Variants in APBA3 observed in about 807,000 individuals in gnomAD.
The protein encoded by APBA3 is amyloid beta precursor protein binding family A member 3, also known as amyloid-beta A4 precursor protein-binding family A member 3.
Under a neutral mutation model 55.9 loss-of-function variants are expected in APBA3, and 45 were observed. That is an observed-to-expected ratio of 0.80 (90% confidence interval 0.63 to 1.03). The LOEUF is 1.03. APBA3 is among the 50% of genes least tolerant of loss of function. The pLI is 0.00. For missense variants in APBA3, 865 were observed against 820.3 expected (o/e 1.05, Z -0.67); for synonymous variants, 370 against 353.3 (o/e 1.05, Z -0.53).
At position 3,759,170 on chromosome 19, in the gene APBA3, A is replaced by G. The variant is rs1272502777; in HGVS notation, c.616+391T>C. On this transcript the variant is annotated intron_variant, in intron 3 of 10. Coordinates refer to ENST00000316757, the MANE Select transcript of APBA3 (RefSeq NM_004886.4). Reference sequence around the variant, plus strand: ...CTTGAACCTGGGAGATGGAGGTTGCAGTGAGCTGAGATCAAGCCACTGCAC... The same window carrying G: ...CTTGAACCTGGGAGATGGAGGTTGCGGTGAGCTGAGATCAAGCCACTGCAC... Among the ~76,000 whole-genome samples, 4 of 152,184 alleles carry G rather than the reference A, an allele frequency of 2.6e-5. No homozygotes were observed. In the East Asian group the frequency reaches 5.8e-4, roughly 22 times the overall value.
In APBA3 at chr19:3,751,551, C is replaced by T. The variant is rs749144277; in HGVS notation, c.1398G>A (p.Glu466=). The T allele has an allele frequency of 5.0e-6, 8 of 1,588,584 alleles. No individual in the cohort carries two copies. Among genetic ancestry groups the T allele is most frequent in the Non-Finnish European group, 6.8e-6 (8 of 1,171,340 alleles). The change falls in exon 9 of 11, where the codon GAG becomes GAA. Residue 466 remains glutamate, a splice_region_variant and synonymous_variant. Transcript: ENST00000316757. ...PLAACQAAVR[E]TKSQTSVTLS... ...GTGTCACCGACGTCTGCGACTTCGT[C>T]TCCTGTGGGGCGGGGGCCGTTGGCC...
chr19:3,754,048 T>C lies in APBA3; in HGVS notation c.820A>G (p.Arg274Gly). Residue 274 changes from arginine (R) to glycine (G), a missense_variant, in exon 5 of 11, where the codon AGG (arginine) becomes GGG (glycine). Coordinates refer to ENST00000316757, the MANE Select transcript of APBA3 (RefSeq NM_004886.4). ...TEVDLFVSTK[R>G]IKVLTADSQE... ...GAGTCCGCTGTCAAGACCTTGATCC[T>C]CTTGGTGGAGACGAACAGGTCCACC... 4 of 1,611,292 alleles carry C rather than the reference T, an allele frequency of 2.5e-6. No individual in the cohort carries two copies. The highest frequency in any genetic ancestry group is 1.1e-5 in the South Asian group (1 of 90,626).
At chr19:3,757,605 G>A (rs1360423580) in intron 3 of APBA3, among the ~76,000 whole-genome samples, 1 of 152,154 alleles carries the variant, frequency 6.6e-6, no homozygotes, top group Admixed American at 6.5e-5. Context: ...GGTGGCGGAC[G>A]CTTGTAATCT....
chr19:3,752,462 T>TC, intron 8 of APBA3, 46 bp downstream of exon 8: 1 of 1,502,078 alleles, frequency 6.7e-7, no homozygotes, highest in Non-Finnish European at 8.9e-7. Flanking sequence ...GGGACTCAGC[T>TC]CCCCTTCCTG....
chr19:3,759,326 G>A (rs902885346), intron 3 of APBA3, among the ~76,000 whole-genome samples: 3 of 152,196 alleles, frequency 2.0e-5, no homozygotes, highest in African/African-American at 7.2e-5. Context: ...TGCCAAGCCC[G>A]GTTCTAGAAC....
At chr19:3,752,312 T>C (rs1471293487) in intron 8 of APBA3, among the ~76,000 whole-genome samples, 196 bp downstream of exon 8, 1 of 152,042 alleles carries the variant, frequency 6.6e-6, no homozygotes, top group Non-Finnish European at 1.5e-5. Flanking sequence ...GCTCTGGTAC[T>C]AGGGAGGTGC....
At chr19:3,751,687 C>G (rs980205888) in intron 8 of APBA3, 134 bp from the exon 9 acceptor site, 9 of 1,062,016 alleles carry the variant, frequency 8.5e-6, no homozygotes, top group Non-Finnish European at 1.2e-5. Context: ...AAGACCCCCT[C>G]AGATGTGATA....
chr19:3,753,650 A>G, intron 6 of APBA3, 115 bp downstream of exon 6: 3 of 1,124,756 alleles, frequency 2.7e-6, no homozygotes, highest in South Asian at 3.6e-5. Flanking sequence ...TGTCCCAAAA[A>G]AAGAATTTAA....
In APBA3 at chr19:3,752,264, C is replaced by T. The variant is rs530317976; in HGVS notation, c.1395+244G>A. 3.2e-3 allele frequency among the ~76,000 whole-genome samples: 486 copies of T among 152,112 alleles called. 1 individual carries two copies. The highest frequency in any genetic ancestry group is 0.011 in the African/African-American group (467 of 41,538). On this transcript the variant is annotated intron_variant, in intron 8 of 10. Coordinates refer to ENST00000316757, the MANE Select transcript of APBA3 (RefSeq NM_004886.4). The stretch of plus-strand genomic sequence containing the variant: ...GTTTCTTGTTAGAGAGAGAGAGTGG[C>T]CCAGCCCTGGAGCTGGGCCACCCGC...
chr19:3,760,195 T>C lies in APBA3; in HGVS notation c.70A>G (p.Ile24Val). Residue 24 changes from isoleucine to valine, a missense_variant, in exon 2 of 11, where the codon ATT becomes GTT. Transcript: ENST00000316757. ...GTGAGGTCCTCCGAAGGCACAAGAA[T>C]GTCCCTGGGCCCCTCCAAGTCCATG... ...PAMDLEGPRD[I>V]LVPSEDLTPD... 2 of 1,612,760 alleles carry C rather than the reference T, an allele frequency of 1.2e-6. No individual in the cohort carries two copies. Among genetic ancestry groups the C allele is most frequent in the Non-Finnish European group, 1.7e-6 (2 of 1,179,982 alleles).
intron 8 of APBA3, among the ~76,000 whole-genome samples, chr19:3,752,206 T>A (rs2037014804): frequency 6.6e-6 from 1 of 152,102 alleles, no homozygotes; most frequent in Non-Finnish European, 1.5e-5. Flanking sequence ...TGAGACCTTG[T>A]CTCAAACAAA....
Position 3,754,266 on chromosome 19 carries a change from G to C in APBA3, c.691C>G (p.Leu231Val), listed in dbSNP as rs1246562668. Residue 231 changes from leucine to valine, a missense_variant, in exon 4 of 11, where the codon CTG becomes GTG. Transcript: ENST00000316757. ...GTGGGCGGGTTCCGTTCCGACACCA[G>C]CTGGGTGGACCCCAGGTACCTGGCC... Reference protein sequence around the residue: ...FGARYLGSTQLVSERNPPTST... With the variant: ...FGARYLGSTQVVSERNPPTST... The C allele has an allele frequency of 6.5e-7, 1 of 1,549,668 alleles. No individual in the cohort carries two copies. The highest frequency in any genetic ancestry group is 1.4e-5 in the African/African-American group (1 of 72,904).
chr19:3,756,175 G>A (rs10460195), intron 3 of APBA3: 74,411 of 152,050 alleles, frequency 0.49, 19,243 homozygotes, highest in Admixed American at 0.66. Context: ...TTGAAGATTT[G>A]GTATGAAAAA....
intron 3 of APBA3, among the ~76,000 whole-genome samples, chr19:3,759,081 T>G (rs564013928): frequency 6.6e-6 from 1 of 151,854 alleles, no homozygotes; most frequent in Non-Finnish European, 1.5e-5. Flanking sequence ...GAAATAAAAT[T>G]AGCTGGGCGT....
chr19:3,759,599 C>G lies in APBA3; in HGVS notation c.578G>C (p.Ser193Thr). 1 of 1,600,304 alleles carries G rather than the reference C, an allele frequency of 6.2e-7. No homozygotes were observed. The change falls in exon 3 of 11, where the codon AGC becomes ACC. Residue 193 changes from serine to threonine, a missense_variant and splice_region_variant. Transcript: ENST00000316757. Reference protein sequence around the residue: ...TPEEPPAGAQSPETLASYPAP... With the variant: ...TPEEPPAGAQTPETLASYPAP... ...AGGGTAGGAAGCCAGGGTCTCGGGG[C>G]TCTGGAAGAAGATAGAGGAGGGGCA...
In APBA3 at chr19:3,760,355, C is replaced by T. The variant is rs2037130676; in HGVS notation, c.-37-54G>A. The T allele has an allele frequency of 1.1e-5, 14 of 1,224,932 alleles. No individual in the cohort carries two copies. The South Asian group carries it at 2.0e-4, about 17-fold the overall frequency. 75.9% of individuals were successfully genotyped at this position (1,224,932 alleles called of 1,614,324 possible). A position where few individuals can be genotyped will look rare whatever the true frequency, so the allele number is the denominator to read the frequency against. On this transcript the variant is annotated intron_variant, in intron 1 of 10. Coordinates refer to ENST00000316757, the MANE Select transcript of APBA3 (RefSeq NM_004886.4). ...TTCGCCCGGGTGCAGTGGCTCATGCCTGTAATCCCAGAATTTTGGGAGGCC... is the reference window on the plus strand; with the variant it reads ...TTCGCCCGGGTGCAGTGGCTCATGCTTGTAATCCCAGAATTTTGGGAGGCC...
At chr19:3,759,638 C>T in intron 2 of APBA3, 38 bp from the exon 3 acceptor site, 1 of 1,603,988 alleles carries the variant, frequency 6.2e-7, no homozygotes, top group Non-Finnish European at 8.5e-7. Context: ...CTGAGTCTCC[C>T]TGCTTGGTTC....
chr19:3,754,183 C>A lies in APBA3; in HGVS notation c.762+12G>T. The A allele has an allele frequency of 1.9e-6, 3 of 1,541,620 alleles. No homozygotes were observed. Among genetic ancestry groups the A allele is most frequent in the Non-Finnish European group, 2.6e-6 (3 of 1,142,278 alleles). On this transcript the variant is annotated intron_variant, in intron 4 of 10. Coordinates refer to ENST00000316757, the MANE Select transcript of APBA3 (RefSeq NM_004886.4). ...CACCCGCCTGCCCGCCCGGCCCCGG[C>A]CGCCCCCTCACCTTGACGCGGTCCA... is the stretch of plus-strand genomic sequence containing the variant.
intron 3 of APBA3, 79 bp downstream of exon 3, chr19:3,759,482 C>G: frequency 7.2e-7 from 1 of 1,393,722 alleles, no homozygotes; most frequent in Non-Finnish European, 9.9e-7. Flanking sequence ...TACTGGCAAG[C>G]TGTTGCCAGG....
Sources: gnomAD v4.1 joint callset for allele counts (sites outside exome capture counted in the v4.1 genomes callset) on GRCh38, gnomAD v4.1.1 for gene constraint, MANE v1.5 for transcripts, NCBI Gene and HGNC (gene_info 2026-07-23, HGNC 2026-07-21) for gene names.